Variants in MMP15 observed in about 807,000 individuals in gnomAD.
MMP15 encodes the protein matrix metalloproteinase-15.
MMP15 carries 36 observed loss-of-function variants against 65.0 expected under a neutral mutation model. The observed-to-expected ratio is 0.55, with a 90% confidence interval of 0.42 to 0.73. The LOEUF (loss-of-function observed/expected upper bound fraction) is 0.73. Among genes scored for constraint, MMP15 ranks in the 30% least tolerant of loss-of-function variants. The pLI is 0.00. For missense variants in MMP15, 870 were observed against 987.8 expected (o/e 0.88, Z 1.60); for synonymous variants, 428 against 410.2 (o/e 1.04, Z -0.52).
In MMP15 at chr16:58,041,722, C is replaced by T. The variant is rs765991648; in HGVS notation, c.1016C>T (p.Pro339Leu). Reference sequence around the variant, plus strand: ...CCGCCCCGGCCTCCCCAGCCACCACCCCCAGGTGGGAAGCCAGAGCGGCCC... The same window carrying T: ...CCGCCCCGGCCTCCCCAGCCACCACTCCCAGGTGGGAAGCCAGAGCGGCCC... ...HRPPRPPQPP[P>L]PGGKPERPPK... Residue 339 changes from proline (P) to leucine (L), a missense_variant, in exon 6 of 10, where the codon CCC (proline) becomes CTC (leucine). Coordinates refer to ENST00000219271, the MANE Select transcript of MMP15 (RefSeq NM_002428.4). The T allele has an allele frequency of 6.9e-6, 11 of 1,589,746 alleles. No homozygotes were observed. The African/African-American group carries it at 9.4e-5, about 14-fold the overall frequency.
chr16:58,043,251 G>A lies in MMP15; in HGVS notation c.1345G>A (p.Gly449Ser), dbSNP rs1444007764. The A allele has an allele frequency of 1.7e-5, 28 of 1,601,444 alleles. No individual in the cohort carries two copies. Among genetic ancestry groups the A allele is most frequent in the Admixed American group, 3.4e-5 (2 of 58,586 alleles). Residue 449 changes from glycine (G) to serine (S), a missense_variant, in exon 8 of 10, where the codon GGC becomes AGC. Gly to Ser is a moderately conservative substitution (Grantham distance 56). Coordinates refer to ENST00000219271, the MANE Select transcript of MMP15 (RefSeq NM_002428.4). ...CTTTCGAGAAGCGAACCTGGAGCCC[G>A]GCTACCCACAGCCGCTGACCAGCTA... ...WLFREANLEP[G>S]YPQPLTSYGL...
In MMP15 at chr16:58,041,704, G is replaced by T; in HGVS notation, c.998G>T (p.Arg333Leu). ...GGCCGGCCTGACCACCGGCCGCCCC[G>T]GCCTCCCCAGCCACCACCCCCAGGT... The part of the protein sequence containing the change: ...RPGRPDHRPP[R>L]PPQPPPPGGK... The change falls in exon 6 of 10, where the codon CGG becomes CTG. Residue 333 changes from arginine (R) to leucine (L), a missense_variant. Arg to Leu is a moderately radical substitution (Grantham distance 102). Transcript: ENST00000219271. The T allele has an allele frequency of 6.3e-7, 1 of 1,582,148 alleles. No homozygotes were observed. Among genetic ancestry groups the T allele is most frequent in the Non-Finnish European group, 8.6e-7 (1 of 1,164,272 alleles).
chr16:58,037,357 G>A, intron 1 of MMP15, 115 bp from the exon 2 acceptor site: 1 of 1,358,812 alleles, frequency 7.4e-7, no homozygotes, highest in Admixed American at 2.0e-5. Context: ...AGGAGGTGAT[G>A]ACGGCTCAGA....
rs527818655 is a variant in MMP15 at position 58,033,001 on chromosome 16, G to A, written c.163-4471G>A. 2.7e-5 allele frequency among the ~76,000 whole-genome samples: 3 copies of A among 112,014 alleles called. No individual in the cohort carries two copies. The Admixed American group carries it at 2.7e-4, about 10-fold the overall frequency. 73.5% of individuals were successfully genotyped at this position (112,014 alleles called of 152,430 possible). The stretch of plus-strand genomic sequence containing the variant: ...CAGCTCCACAGATCTGAGTGCTGGA[G>A]GAGCTGGAAGGGCCGGCTGGGGCGG... On this transcript the variant is annotated intron_variant, in intron 1 of 9. Transcript: ENST00000219271.
chr16:58,045,213 G>A lies in MMP15; in HGVS notation c.1777G>A (p.Asp593Asn), dbSNP rs375451304. The change falls in exon 10 of 10, where the codon GAC (aspartate) becomes AAC (asparagine). Residue 593 changes from aspartate (D) to asparagine (N), a missense_variant. By Grantham distance (23) the Asp-to-Asn change is conservative (BLOSUM62 1). Coordinates refer to ENST00000219271, the MANE Select transcript of MMP15 (RefSeq NM_002428.4). The stretch of plus-strand genomic sequence containing the variant: ...GCCCGGGGCGGACAGCGCAGAGGGC[G>A]ACGTGGGGGATGGGGATGGGGACTT... The part of the protein sequence containing the change: ...AEPGADSAEG[D>N]VGDGDGDFGA... 17 of 1,596,452 alleles carry A rather than the reference G, an allele frequency of 1.1e-5. No homozygotes were observed. The highest frequency in any genetic ancestry group is 9.0e-5 in the East Asian group (4 of 44,208).
chr16:58,042,204 TG>T (rs748679538), intron 6 of MMP15, 26 bp from the exon 7 acceptor site: 1 of 1,603,732 alleles, frequency 6.2e-7, no homozygotes, highest in Non-Finnish European at 8.5e-7. Flanking sequence ...TTGCCTGCGC[TG>T]CCCGCTCACA....
intron 1 of MMP15, among the ~76,000 whole-genome samples, chr16:58,036,612 T>G (rs1012249036): frequency 2.6e-5 from 4 of 152,204 alleles, no homozygotes; most frequent in Non-Finnish European, 4.4e-5. Context: ...GGTTCCCCAT[T>G]CTATAGGTGA....
chr16:58,034,672 C>T (rs1239570396), intron 1 of MMP15, among the ~76,000 whole-genome samples: 1 of 152,212 alleles, frequency 6.6e-6, no homozygotes, highest in East Asian at 1.9e-4. Flanking sequence ...CAAGGGGTGC[C>T]CCCATCCTCA....
rs1379774944 is a variant in MMP15, at chr16:58,045,747, G to A, written c.*301G>A. Reference sequence around the variant, plus strand: ...TTGGCCACAGCCAGGGGAGCAGAGGGGCAGAGGCCCACATTGGAAGAGCAG... The same window carrying A: ...TTGGCCACAGCCAGGGGAGCAGAGGAGCAGAGGCCCACATTGGAAGAGCAG... On this transcript the variant is annotated 3_prime_UTR_variant, in exon 10 of 10. Coordinates refer to ENST00000219271, the MANE Select transcript of MMP15 (RefSeq NM_002428.4). 3 of 401,660 alleles carry A rather than the reference G, an allele frequency of 7.5e-6. No homozygotes were observed. The highest frequency in any genetic ancestry group is 3.8e-5 in the South Asian group (1 of 26,028). The allele number at this position is 401,660 out of a possible 1,614,324, so 24.9% of individuals were successfully genotyped here. A position where few individuals can be genotyped will look rare whatever the true frequency, so the allele number is the denominator to read the frequency against.
chr16:58,035,877 T>C (rs912432869), intron 1 of MMP15, among the ~76,000 whole-genome samples: 2 of 152,168 alleles, frequency 1.3e-5, no homozygotes, highest in African/African-American at 2.4e-5. Context: ...GCAGCCTGGG[T>C]ACCACTGAGC....
rs554222211 is a variant in MMP15 at position 58,026,211 on chromosome 16, C to G, written c.-140C>G. The G allele has an allele frequency of 5.1e-6, 5 of 977,620 alleles. No individual in the cohort carries two copies. Among genetic ancestry groups the G allele is most frequent in the Non-Finnish European group, 5.3e-6 (4 of 756,238 alleles). The allele number at this position is 977,620 out of a possible 1,614,324, so 60.6% of individuals were successfully genotyped here. A position where few individuals can be genotyped will look rare whatever the true frequency, so the allele number is the denominator to read the frequency against. ...GGGCTTGGGAATTTGCCGAGGCGAC[C>G]TAGGCGGCTCCGGCGGGGACCGGGA... On this transcript the variant is annotated 5_prime_UTR_variant, in exon 1 of 10. Coordinates refer to ENST00000219271, the MANE Select transcript of MMP15 (RefSeq NM_002428.4).
chr16:58,026,095 G>A lies in MMP15; in HGVS notation c.-256G>A. Reference sequence around the variant, plus strand: ...CGGGCCCCAGGCGCTGGGCGCCGAGGCTGCGGAACCTCGCCGGGGGCAGCT... The same window carrying A: ...CGGGCCCCAGGCGCTGGGCGCCGAGACTGCGGAACCTCGCCGGGGGCAGCT... On this transcript the variant is annotated 5_prime_UTR_variant, in exon 1 of 10. Coordinates refer to ENST00000219271, the MANE Select transcript of MMP15 (RefSeq NM_002428.4). 2.7e-6 allele frequency: 1 copy of A among 366,258 alleles called. No homozygotes were observed. Among genetic ancestry groups the A allele is most frequent in the Non-Finnish European group, 4.8e-6 (1 of 207,056 alleles). The allele number at this position is 366,258 out of a possible 1,614,324, so 22.7% of individuals were successfully genotyped here. A position where few individuals can be genotyped will look rare whatever the true frequency, so the allele number is the denominator to read the frequency against.
At chr16:58,034,248 C>G (rs565301659) in intron 1 of MMP15, among the ~76,000 whole-genome samples, 1 of 152,184 alleles carries the variant, frequency 6.6e-6, no homozygotes, top group African/African-American at 2.4e-5. Flanking sequence ...ACTGGGATTG[C>G]GAGTCATGAC....
At chr16:58,032,972 C>T (rs1308469852) in intron 1 of MMP15, among the ~76,000 whole-genome samples, 4 of 152,306 alleles carry the variant, frequency 2.6e-5, no homozygotes, top group African/African-American at 4.8e-5. Flanking sequence ...AGGGGGCTGC[C>T]GGCCAGCTCC....
chr16:58,029,143 C>T (rs41341046), intron 1 of MMP15, among the ~76,000 whole-genome samples: 2 of 152,330 alleles, frequency 1.3e-5, no homozygotes, highest in East Asian at 1.9e-4. Flanking sequence ...AACAGGCCCA[C>T]GAGTATCTTC....
chr16:58,042,086 G>A, intron 6 of MMP15, 145 bp from the exon 7 acceptor site: 1 of 1,179,564 alleles, frequency 8.5e-7, no homozygotes, highest in South Asian at 1.6e-5. Context: ...GTGCAGCCCT[G>A]GCTTTCCAAG....
At chr16:58,040,855 A>G (rs778803823) in intron 5 of MMP15, 157 bp downstream of exon 5, 1 of 1,163,986 alleles carries the variant, frequency 8.6e-7, no homozygotes, top group Non-Finnish European at 1.2e-6. Context: ...AAATGGTGGT[A>G]CTGGAAATGA....
intron 1 of MMP15, among the ~76,000 whole-genome samples, chr16:58,028,484 C>G (rs1453903658): frequency 6.6e-6 from 1 of 152,206 alleles, no homozygotes; most frequent in Non-Finnish European, 1.5e-5. Flanking sequence ...AGGGTCCCAT[C>G]AGGTCTGGCC....
intron 1 of MMP15, among the ~76,000 whole-genome samples, chr16:58,031,853 C>CTTTTTTTTTTT (rs749779284): frequency 3.5e-5 from 2 of 57,744 alleles, no homozygotes; most frequent in African/African-American, 1.7e-4. Flanking sequence ...TCGATGCCGC[C>CTTTTTTTTTTT]TTTTTTTTTT....
Sources: gnomAD v4.1 joint callset for allele counts (sites outside exome capture counted in the v4.1 genomes callset) on GRCh38, gnomAD v4.1.1 for gene constraint, MANE v1.5 for transcripts, NCBI Gene and HGNC (gene_info 2026-07-23, HGNC 2026-07-21) for gene names.